The following TMEM236 variants were observed in gnomAD, a reference collection of about 807,000 sequenced individuals.
TMEM236 encodes the protein transmembrane protein 236, also known as family with sequence similarity 23, member A.
A neutral mutation model predicts 14.7 loss-of-function variants in TMEM236; 11 were observed. The ratio of observed to expected loss-of-function variants is 0.75; its 90% CI spans 0.47 to 1.24. The LOEUF (loss-of-function observed/expected upper bound fraction) is 1.24, where lower values mean the gene tolerates loss of function less well. TMEM236 is among the 50% of genes most tolerant of loss of function. TMEM236 has a pLI of 0.00. For synonymous variants in TMEM236, 182 were observed against 168.6 expected (o/e 1.08, Z -0.62); for missense variants, 464 against 427.3 (o/e 1.09, Z -0.76).
intron 1 of TMEM236, among the ~76,000 whole-genome samples, chr10:17,759,186 C>A (rs1837322231): frequency 1.3e-5 from 2 of 152,124 alleles, no homozygotes; most frequent in Admixed American, 1.3e-4. Flanking sequence ...ATATACACAC[C>A]AAACTGTGTA....
rs536632209 is a variant in TMEM236 at position 17,800,231 on chromosome 10, C to CA, written c.*3741dup. ...TGGGCAACAGATTGAGACTCTGTCT[C>CA]AAAAAAAAAAAAAAGTCAAGTACAG... On this transcript the variant is annotated 3_prime_UTR_variant, in exon 4 of 4. Coordinates refer to ENST00000377495, the MANE Select transcript of TMEM236 (RefSeq NM_001098844.3). 185 of 106,736 alleles carry CA rather than the reference C, an allele frequency of 1.7e-3. 2 individuals are homozygous for CA. Among genetic ancestry groups the CA allele is most frequent in the African/African-American group, 2.9e-3 (86 of 29,740 alleles). The allele number at this position is 106,736 out of a possible 1,614,324, so 6.6% of individuals were successfully genotyped here. A position where few individuals can be genotyped will look rare whatever the true frequency, so the allele number is the denominator to read the frequency against.
chr10:17,787,776 A>T (rs889503827), intron 3 of TMEM236, among the ~76,000 whole-genome samples: 1 of 152,192 alleles, frequency 6.6e-6, no homozygotes, highest in African/African-American at 2.4e-5. Flanking sequence ...TACACTAGTA[A>T]ATATGCATAA....
At chr10:17,776,806 G>T (rs879250562) in intron 3 of TMEM236, among the ~76,000 whole-genome samples, 1 of 151,996 alleles carries the variant, frequency 6.6e-6, no homozygotes, top group African/African-American at 2.4e-5. Context: ...TCAACAAGAT[G>T]TGTCACATCT....
At chr10:17,752,938 T>C (rs1464779025) in intron 1 of TMEM236, among the ~76,000 whole-genome samples, 1 of 152,032 alleles carries the variant, frequency 6.6e-6, no homozygotes, top group Admixed American at 6.6e-5. Flanking sequence ...GTTTTTTTGT[T>C]TGTTGTTTGT....
At position 17,791,275 on chromosome 10, in the gene TMEM236, G is replaced by A. The variant is rs562319997; in HGVS notation, c.473-4646G>A. ...GCCTAGACAACATAGCAAGTCATCC[G>A]TGTCTCTATAAAAAGTAAAAAAAAA... is the stretch of plus-strand genomic sequence containing the variant. On this transcript the variant is annotated intron_variant, in intron 3 of 3. Coordinates refer to ENST00000377495, the MANE Select transcript of TMEM236 (RefSeq NM_001098844.3). Among the ~76,000 whole-genome samples, 990 of 143,858 alleles carry A rather than the reference G, an allele frequency of 6.9e-3. 7 individuals are homozygous for A. The highest frequency in any genetic ancestry group is 0.024 in the African/African-American group (912 of 38,478). 94.4% of individuals were successfully genotyped at this position (143,858 alleles called of 152,430 possible). A position where few individuals can be genotyped will look rare whatever the true frequency, so the allele number is the denominator to read the frequency against.
At chr10:17,784,981 G>T (rs1235731804) in intron 3 of TMEM236, among the ~76,000 whole-genome samples, 1 of 152,156 alleles carries the variant, frequency 6.6e-6, no homozygotes, top group Non-Finnish European at 1.5e-5. Context: ...CCTCACTGAG[G>T]CTCAGAAATC....
At chr10:17,777,686 G>A (rs906864945) in intron 3 of TMEM236, among the ~76,000 whole-genome samples, 5 of 152,148 alleles carry the variant, frequency 3.3e-5, no homozygotes, top group Non-Finnish European at 7.3e-5. Flanking sequence ...AGAAAGACAC[G>A]TGTATCTTTT....
chr10:17,769,858 C>T (rs1837539142), intron 1 of TMEM236, among the ~76,000 whole-genome samples: 1 of 152,126 alleles, frequency 6.6e-6, no homozygotes. Flanking sequence ...ATTTTAGATT[C>T]AGGAGGTACA....
intron 1 of TMEM236, among the ~76,000 whole-genome samples, chr10:17,766,219 C>A (rs962232423): frequency 6.6e-6 from 1 of 152,174 alleles, no homozygotes; most frequent in African/African-American, 2.4e-5. Context: ...ACAGGCTGTG[C>A]CTTCAACACT....
intron 2 of TMEM236, among the ~76,000 whole-genome samples, chr10:17,775,406 C>T (rs1372042995): frequency 1.3e-5 from 2 of 152,148 alleles, no homozygotes; most frequent in South Asian, 2.1e-4. Flanking sequence ...TCTCGAGTAG[C>T]TCGAACCAAA....
chr10:17,778,111 A>G (rs963466542), intron 3 of TMEM236, among the ~76,000 whole-genome samples: 1 of 152,128 alleles, frequency 6.6e-6, no homozygotes, highest in African/African-American at 2.4e-5. Flanking sequence ...TTGAAATAAG[A>G]CATCTAAAGA....
rs1837655293 is a variant in TMEM236, at chr10:17,776,109, C to G, written c.411C>G (p.Ser137=). 9 of 1,613,544 alleles carry G rather than the reference C, an allele frequency of 5.6e-6. No individual in the cohort carries two copies. The highest frequency in any genetic ancestry group is 1.3e-5 in the African/African-American group (1 of 74,876). ...PDLPVSLVLL[S]LIMVDIIEKL... is the part of the protein sequence containing the mutation. ...TGCCCGTATCTCTGGTTCTGTTATCCCTGATCATGGTTGATATTATTGAAA... is the reference window on the plus strand; with the variant it reads ...TGCCCGTATCTCTGGTTCTGTTATCGCTGATCATGGTTGATATTATTGAAA... Residue 137 remains serine (S), a synonymous_variant, in exon 3 of 4, where the codon TCC becomes TCG. Transcript: ENST00000377495.
At chr10:17,794,847 G>T (rs1379323059) in intron 3 of TMEM236, among the ~76,000 whole-genome samples, 1 of 152,076 alleles carries the variant, frequency 6.6e-6, no homozygotes, top group East Asian at 1.9e-4. Flanking sequence ...AAACCAGCCT[G>T]GCCAACATGG....
At chr10:17,768,096 T>TTTTG (rs1554834485) in intron 1 of TMEM236, among the ~76,000 whole-genome samples, 14 of 139,726 alleles carry the variant, frequency 1.0e-4, no homozygotes, top group Non-Finnish European at 1.8e-4. Flanking sequence ...GTTTTTTTTT[T>TTTTG]TTTTTTTTTT....
rs1374571958 is a variant in TMEM236, at chr10:17,782,065, CA to C, written c.472+5898del. ...CAATCATGACTGCACCACCTAGAGG[CA>C]AAGTGAGCCCCCATCTAAGGTCTTG... On this transcript the variant is annotated intron_variant, in intron 3 of 3. Transcript: ENST00000377495. 1.6e-4 allele frequency among the ~76,000 whole-genome samples: 24 copies of C among 152,148 alleles called. No individual in the cohort carries two copies. The South Asian group carries it at 3.1e-3, about 20-fold the overall frequency.
At position 17,755,636 on chromosome 10, in the gene TMEM236, C is replaced by T. The variant is rs1837274031; in HGVS notation, c.257+3084C>T. ...AGGGGTAGCTTGGAGCTGGGCTTGA[C>T]CCTCCACCTCTCACACCCTGTAGGG... On this transcript the variant is annotated intron_variant, in intron 1 of 3. Coordinates refer to ENST00000377495, the MANE Select transcript of TMEM236 (RefSeq NM_001098844.3). Among the ~76,000 whole-genome samples, 3 of 152,092 alleles carry T rather than the reference C, an allele frequency of 2.0e-5. No homozygotes were observed. In the South Asian group the frequency reaches 6.2e-4, roughly 32 times the overall value.
intron 1 of TMEM236, among the ~76,000 whole-genome samples, chr10:17,757,272 ACTT>A (rs1837297754): frequency 6.6e-6 from 1 of 152,174 alleles, no homozygotes; most frequent in Non-Finnish European, 1.5e-5. Context: ...AGAAACTGAA[ACTT>A]GAAGTAATTA....
chr10:17,752,468 T>C lies in TMEM236; in HGVS notation c.173T>C (p.Val58Ala). The stretch of plus-strand genomic sequence containing the variant: ...ATCATCTCCTGTTCTATTGCCTATG[T>C]TGCGTTAGTGACTCTACTGATCTGG... ...WLIISCSIAY[V>A]ALVTLLIWVP... Residue 58 changes from valine (V) to alanine (A), a missense_variant, in exon 1 of 4, where the codon GTT becomes GCT. By Grantham distance (64) the Val-to-Ala change is moderately conservative. Coordinates refer to ENST00000377495, the MANE Select transcript of TMEM236 (RefSeq NM_001098844.3). 1.2e-6 allele frequency: 2 copies of C among 1,613,968 alleles called. No homozygotes were observed. Among genetic ancestry groups the C allele is most frequent in the Non-Finnish European group, 1.7e-6 (2 of 1,179,830 alleles).
intron 2 of TMEM236, among the ~76,000 whole-genome samples, chr10:17,774,426 G>A (rs1194293293): frequency 5.3e-5 from 8 of 152,144 alleles, no homozygotes; most frequent in African/African-American, 1.9e-4. Context: ...TTTTGTATAT[G>A]TTGTACAGCA....
Sources: allele counts gnomAD v4.1 joint callset (sites outside exome capture counted in the v4.1 genomes callset), GRCh38; gene constraint gnomAD v4.1.1; transcripts MANE v1.5; gene names NCBI Gene and HGNC (gene_info 2026-07-23, HGNC 2026-07-21).